Variants in LRRIQ1 observed in about 807,000 individuals in gnomAD.
LRRIQ1 encodes leucine rich repeats and IQ motif containing 1.
Under a neutral mutation model 211.9 loss-of-function variants are expected in LRRIQ1, and 210 were observed. The ratio of observed to expected loss-of-function variants is 0.99; its 90% confidence interval spans 0.89 to 1.11. LRRIQ1 has a LOEUF of 1.11. LRRIQ1 is among the 50% of genes most tolerant of loss of function. The pLI is 0.00. For synonymous variants in LRRIQ1, 699 were observed against 650.1 expected (o/e 1.08, Z -1.14); for missense variants, 2,136 against 1,939.5 (o/e 1.10, Z -1.90).
chr12:85,201,762 GT>G (rs759204058), intron 24 of LRRIQ1, among the ~76,000 whole-genome samples: 1 of 151,930 alleles, frequency 6.6e-6, no homozygotes, highest in African/African-American at 2.4e-5. Context: ...TCGTTTGTAT[GT>G]TTTTTTGTTT....
At chr12:85,094,384 T>A (rs893734439) in intron 11 of LRRIQ1, among the ~76,000 whole-genome samples, 1 of 152,146 alleles carries the variant, frequency 6.6e-6, no homozygotes, top group Non-Finnish European at 1.5e-5. Flanking sequence ...AAAGGCAATT[T>A]GCTTGAATAA....
At chr12:85,088,365 G>A (rs1885047676) in intron 11 of LRRIQ1, among the ~76,000 whole-genome samples, 1 of 152,188 alleles carries the variant, frequency 6.6e-6, no homozygotes, top group African/African-American at 2.4e-5. Context: ...GATGTAGTTT[G>A]AAGTCAGGTA....
intron 24 of LRRIQ1, among the ~76,000 whole-genome samples, chr12:85,214,710 C>G (rs1384896771): frequency 6.6e-6 from 1 of 151,830 alleles, no homozygotes. Context: ...ATTCTGCCTA[C>G]TTAAAAAAGA....
intron 11 of LRRIQ1, chr12:85,076,638 C>T: frequency 3.4e-6 from 2 of 580,942 alleles, no homozygotes; most frequent in South Asian, 1.5e-4. Flanking sequence ...TTCACATAGG[C>T]TTGATTGCTG....
chr12:85,249,088 C>T (rs1428123885), downstream of LRRIQ1, among the ~76,000 whole-genome samples: 2 of 151,530 alleles, frequency 1.3e-5, no homozygotes, highest in African/African-American at 2.4e-5. Flanking sequence ...TACATACTTC[C>T]TCTAATATAT....
At chr12:85,174,701 C>CAAAAAAGAAAAAAAAAAAA (rs1891596705) in intron 24 of LRRIQ1, among the ~76,000 whole-genome samples, 1 of 21,614 alleles carries the variant, frequency 4.6e-5, no homozygotes. Context: ...GAGTACAGCT[C>CAAAAAAGAAAAAAAAAAAA]AAAAAAAAAA....
intron 23 of LRRIQ1, among the ~76,000 whole-genome samples, chr12:85,155,610 G>A (rs1253626347): frequency 6.6e-6 from 1 of 151,632 alleles, no homozygotes; most frequent in African/African-American, 2.4e-5. Flanking sequence ...ATCAGAGGTG[G>A]TTTAAGAACT....
At chr12:85,254,999 T>A (rs1896047981) in intron 1 of LRRIQ1, among the ~76,000 whole-genome samples, 1 of 151,888 alleles carries the variant, frequency 6.6e-6, no homozygotes, top group South Asian at 2.1e-4. Flanking sequence ...TGTACATATA[T>A]AATTTTCTAT....
intron 1 of LRRIQ1, among the ~76,000 whole-genome samples, chr12:85,259,750 A>G (rs1896230718): frequency 6.6e-6 from 1 of 152,178 alleles, no homozygotes; most frequent in Admixed American, 6.6e-5. Context: ...ATATTACACA[A>G]TGTGCTTTTT....
chr12:85,141,001 C>T (rs1889495848), intron 19 of LRRIQ1, among the ~76,000 whole-genome samples: 4 of 151,170 alleles, frequency 2.6e-5, no homozygotes, highest in African/African-American at 9.7e-5. Context: ...TCATTTTATT[C>T]AAAAAGAAAT....
Position 85,160,701 on chromosome 12 carries a change from TG to T in LRRIQ1, c.4811del (p.Gly1604ValfsTer6). The T allele has an allele frequency of 1.3e-6, 2 of 1,589,966 alleles. No homozygotes were observed. The highest frequency in any genetic ancestry group is 1.1e-5 in the South Asian group (1 of 88,330). ...SPKMVQPRRD[G>X]YFEGIEEDPI... The stretch of plus-strand genomic sequence containing the variant: ...CAAAGATGGTACAGCCCAGAAGAGA[TG>T]GTTACTTTGAAGGTATGGCTTAATA... On this transcript the variant is annotated frameshift_variant, in exon 24 of 27. Transcript: ENST00000393217. LOFTEE classifies it high-confidence loss of function.
At chr12:85,096,410 T>C (rs1885884871) in intron 11 of LRRIQ1, among the ~76,000 whole-genome samples, 1 of 152,176 alleles carries the variant, frequency 6.6e-6, no homozygotes, top group Admixed American at 6.6e-5. Context: ...GCCTTAATTT[T>C]GTTGTTTAAC....
intron 19 of LRRIQ1, among the ~76,000 whole-genome samples, chr12:85,147,359 A>G (rs769788429): frequency 2.6e-5 from 4 of 151,814 alleles, no homozygotes; most frequent in Admixed American, 6.6e-5. Context: ...TCTACCTTAG[A>G]TATAAAGTTA....
chr12:85,219,286 G>A (rs1037767583), intron 24 of LRRIQ1, among the ~76,000 whole-genome samples: 1 of 152,102 alleles, frequency 6.6e-6, no homozygotes, highest in Non-Finnish European at 1.5e-5. Context: ...ATGTAGAGTT[G>A]TGTAGAAGTT....
At chr12:85,256,732 CATT>C (rs952333969) in intron 1 of LRRIQ1, among the ~76,000 whole-genome samples, 4 of 151,152 alleles carry the variant, frequency 2.6e-5, no homozygotes, top group South Asian at 4.1e-4. Context: ...CAGTTTCTAA[CATT>C]ATGTGGCTCA....
chr12:85,095,627 T>C (rs1885801103), intron 11 of LRRIQ1, among the ~76,000 whole-genome samples: 1 of 152,142 alleles, frequency 6.6e-6, no homozygotes, highest in Non-Finnish European at 1.5e-5. Context: ...AGAGTGATGC[T>C]GGCTTCATAA....
chr12:85,210,090 A>G (rs1176136868), intron 24 of LRRIQ1, among the ~76,000 whole-genome samples: 2 of 152,206 alleles, frequency 1.3e-5, no homozygotes, highest in African/African-American at 4.8e-5. Context: ...TAATTTTGAA[A>G]TAGTTTTTCA....
intron 1 of LRRIQ1, among the ~76,000 whole-genome samples, chr12:85,260,853 T>C (rs1303653349): frequency 6.6e-6 from 1 of 152,222 alleles, no homozygotes; most frequent in African/African-American, 2.4e-5. Flanking sequence ...AGAAGGAGGA[T>C]AGGTTTTTAA....
intron 18 of LRRIQ1, among the ~76,000 whole-genome samples, chr12:85,135,053 A>G (rs1300497729): frequency 6.6e-6 from 1 of 152,094 alleles, no homozygotes; most frequent in Non-Finnish European, 1.5e-5. Flanking sequence ...AAATTCCTGT[A>G]GCATTTAATA....
Sources: gnomAD v4.1 joint callset for allele counts (sites outside exome capture counted in the v4.1 genomes callset) on GRCh38, gnomAD v4.1.1 for gene constraint, MANE v1.5 for transcripts, NCBI Gene and HGNC (gene_info 2026-07-23, HGNC 2026-07-21) for gene names.